Variants in ABHD12 observed in about 807,000 individuals in gnomAD.
The protein encoded by ABHD12 is lysophosphatidylserine lipase ABHD12.
In ABHD12, 43 loss-of-function variants were observed where a neutral mutation model predicts 58.3. The ratio of observed to expected loss-of-function variants is 0.74; its 90% CI spans 0.58 to 0.95. ABHD12 has a LOEUF of 0.95. Ranked by LOEUF, ABHD12 falls within the 40% of genes least tolerant of loss-of-function variation. The probability of loss-of-function intolerance (pLI) is 0.00; values close to 1 mark genes in which losing one functional copy is unlikely to be tolerated. For synonymous variants in ABHD12, 219 were observed against 211.2 expected (o/e 1.04, Z -0.32); for missense variants, 539 against 537.2 (o/e 1.00, Z -0.03).
At chr20:25,382,033 T>C (rs1485190191) in intron 1 of ABHD12, among the ~76,000 whole-genome samples, 1 of 152,178 alleles carries the variant, frequency 6.6e-6, no homozygotes, top group Non-Finnish European at 1.5e-5. Context: ...GCACTCACCA[T>C]GTGCCAGGAA....
chr20:25,333,949 G>T (rs1417111608), intron 2 of ABHD12, among the ~76,000 whole-genome samples: 2 of 152,178 alleles, frequency 1.3e-5, no homozygotes, highest in Non-Finnish European at 2.9e-5. Context: ...TGTTGGAAGT[G>T]CTGGCCGGGG....
At chr20:25,338,460 AGATGCGGCCCTTTCCTTG>A (rs2089408675) in intron 2 of ABHD12, among the ~76,000 whole-genome samples, 1 of 152,216 alleles carries the variant, frequency 6.6e-6, no homozygotes, top group Non-Finnish European at 1.5e-5. Flanking sequence ...TCGAACCCAC[AGATGCGGCCCTTTCCTTG>A]GAGCCTCGCT....
At chr20:25,388,185 C>T (rs898092206) in intron 1 of ABHD12, among the ~76,000 whole-genome samples, 6 of 151,544 alleles carry the variant, frequency 4.0e-5, no homozygotes, top group African/African-American at 1.2e-4. Context: ...TCTACTTCCA[C>T]GTATGTCGAC....
At chr20:25,308,353 AGCTCAT>A in intron 8 of ABHD12, 98 bp downstream of exon 8, 1 of 1,432,984 alleles carries the variant, frequency 7.0e-7, no homozygotes, top group South Asian at 1.2e-5. Context: ...CAGAATGTGC[AGCTCAT>A]GCTGCTCCAT....
At chr20:25,356,530 G>A (rs1325843896) in intron 1 of ABHD12, among the ~76,000 whole-genome samples, 1 of 152,226 alleles carries the variant, frequency 6.6e-6, no homozygotes, top group Admixed American at 6.5e-5. Context: ...TGGCAGAGGT[G>A]CCAGCGTTCC....
intron 1 of ABHD12, among the ~76,000 whole-genome samples, chr20:25,356,436 T>A (rs2089669083): frequency 6.6e-6 from 1 of 152,214 alleles, no homozygotes; most frequent in South Asian, 2.1e-4. Flanking sequence ...AGGGTGCAGG[T>A]CCCTCTGTGG....
intron 1 of ABHD12, among the ~76,000 whole-genome samples, chr20:25,383,493 C>T (rs1223967879): frequency 6.6e-6 from 1 of 152,166 alleles, no homozygotes; most frequent in Admixed American, 6.5e-5. Context: ...ATGCACATTC[C>T]CAACAATTCC....
At chr20:25,370,915 G>A in intron 1 of ABHD12, among the ~76,000 whole-genome samples, 1 of 150,474 alleles carries the variant, frequency 6.6e-6, no homozygotes, top group East Asian at 2.0e-4. Context: ...AAACTCCTGA[G>A]CTCAAGCAAT....
intron 1 of ABHD12, among the ~76,000 whole-genome samples, chr20:25,352,143 C>T (rs2089608665): frequency 6.6e-6 from 1 of 151,778 alleles, no homozygotes; most frequent in East Asian, 2.0e-4. Context: ...AGGTGCCTGC[C>T]ACCATTCCTG....
rs148956025 is a variant in ABHD12 at position 25,295,121 on chromosome 20, AT to A, written c.1158-92del. ...ATAGTGAACAGAAATGCATTTGTAG[AT>A]TCATAAATCTGGCATTTTTGTTCAG... is the stretch of plus-strand genomic sequence containing the variant. On this transcript the variant is annotated intron_variant, in intron 12 of 12. Transcript: ENST00000376542. 1.5e-3 allele frequency: 2,025 copies of A among 1,355,234 alleles called. 29 individuals carry two copies. In the African/African-American group the frequency reaches 0.025, roughly 17 times the overall value. 84.0% of individuals were successfully genotyped at this position (1,355,234 alleles called of 1,614,324 possible). A position where few individuals can be genotyped will look rare whatever the true frequency, so the allele number is the denominator to read the frequency against.
chr20:25,300,121 G>C (rs554109920), downstream of ABHD12: 12 of 880,496 alleles, frequency 1.4e-5, no homozygotes, highest in Non-Finnish European at 1.2e-5. Flanking sequence ...GAGTCATGGA[G>C]TGGCTCCAAA....
rs191296973 is a variant in ABHD12, at chr20:25,339,578, T to C, written c.192-227A>G. The C allele has an allele frequency of 7.8e-5, 116 of 1,495,892 alleles. 1 individual carries two copies. The African/African-American group carries it at 1.2e-3, about 15-fold the overall frequency. The allele number at this position is 1,495,892 out of a possible 1,614,324, so 92.7% of individuals were successfully genotyped here. A position where few individuals can be genotyped will look rare whatever the true frequency, so the allele number is the denominator to read the frequency against. On this transcript the variant is annotated intron_variant, in intron 1 of 12. Coordinates refer to ENST00000339157, the MANE Select transcript of ABHD12 (RefSeq NM_001042472.3). The stretch of plus-strand genomic sequence containing the variant: ...TCTACTGGGGGTAAGAGGAACTTTT[T>C]TTCTTGAAAGACATAGAAATAGCTA...
At chr20:25,373,401 G>C (rs2089922441) in intron 1 of ABHD12, among the ~76,000 whole-genome samples, 1 of 152,016 alleles carries the variant, frequency 6.6e-6, no homozygotes, top group African/African-American at 2.4e-5. Flanking sequence ...ACAAAAATCA[G>C]CCGGGTGTGG....
chr20:25,308,517 T>TGC (rs1568715333), intron 7 of ABHD12, 23 bp from the exon 8 acceptor site: 5 of 1,601,024 alleles, frequency 3.1e-6, no homozygotes, highest in Non-Finnish European at 4.3e-6. Flanking sequence ...AAAAACAGCT[T>TGC]AGTTGAGTTA....
rs747162527 is a variant in ABHD12, at chr20:25,320,284, G to A, written c.457C>T (p.Gln153Ter). The change falls in exon 4 of 13, where the codon CAA becomes TAA. Residue 153 changes from glutamine to a stop codon, truncating the protein, a stop_gained. Coordinates refer to ENST00000339157, the MANE Select transcript of ABHD12 (RefSeq NM_001042472.3). LOFTEE classifies it high-confidence loss of function. ...TVPAVWWKNA[Q>*]GKDQMWYEDA... ...TCATACCACATCTGGTCTTTGCCTTGGGCGTTCTTCCACCAGACTGCAGGG... is the reference window on the plus strand; with the variant it reads ...TCATACCACATCTGGTCTTTGCCTTAGGCGTTCTTCCACCAGACTGCAGGG... 6.2e-7 allele frequency: 1 copy of A among 1,614,084 alleles called. No individual in the cohort carries two copies.
chr20:25,390,497 C>T lies in ABHD12; in HGVS notation c.191+16G>A, dbSNP rs1190128246. 7.1e-7 allele frequency: 1 copy of T among 1,406,344 alleles called. No homozygotes were observed. The highest frequency in any genetic ancestry group is 1.4e-5 in the South Asian group (1 of 72,354). The allele number at this position is 1,406,344 out of a possible 1,614,324, so 87.1% of individuals were successfully genotyped here. A position where few individuals can be genotyped will look rare whatever the true frequency, so the allele number is the denominator to read the frequency against. Reference sequence around the variant, plus strand: ...GACCGGCCCCCCCCCCCCCCCCGCTCCGCGCGAAGCCTCACCTGCCCAGCG... The same window carrying T: ...GACCGGCCCCCCCCCCCCCCCCGCTTCGCGCGAAGCCTCACCTGCCCAGCG... On this transcript the variant is annotated intron_variant, in intron 1 of 12. Transcript: ENST00000339157.
rs112949908 is a variant in ABHD12, at chr20:25,367,417, G to A, written c.191+23096C>T. 7.0e-3 allele frequency among the ~76,000 whole-genome samples: 1,068 copies of A among 152,196 alleles called. 4 individuals are homozygous for A. Among genetic ancestry groups the A allele is most frequent in the Middle Eastern group, 0.02 (6 of 294 alleles). ...ACACATTTTTCCAATTTTTTTACAC[G>A]TAACAAAATTTACCATCATAACCAT... On this transcript the variant is annotated intron_variant, in intron 1 of 12. Coordinates refer to ENST00000339157, the MANE Select transcript of ABHD12 (RefSeq NM_001042472.3).
intron 1 of ABHD12, chr20:25,339,742 T>C: frequency 1.5e-6 from 2 of 1,335,162 alleles, no homozygotes; most frequent in Non-Finnish European, 2.0e-6. Context: ...ATCCGTCTTC[T>C]GTGAGACAAC....
intron 6 of ABHD12, among the ~76,000 whole-genome samples, chr20:25,312,514 G>A (rs2088869866): frequency 6.6e-6 from 1 of 152,110 alleles, no homozygotes; most frequent in African/African-American, 2.4e-5. Context: ...GCAGTGGCGT[G>A]ATCTCGGCTC....
Sources: gnomAD v4.1 joint callset for allele counts (sites outside exome capture counted in the v4.1 genomes callset) on GRCh38, gnomAD v4.1.1 for gene constraint, MANE v1.5 for transcripts, NCBI Gene and HGNC (gene_info 2026-07-23, HGNC 2026-07-21) for gene names.